The following COL23A1 variants were observed in gnomAD, a reference collection of about 807,000 sequenced individuals.
COL23A1 encodes the protein collagen type XXIII alpha 1 chain.
A neutral mutation model predicts 99.3 loss-of-function variants in COL23A1; 97 were observed. The ratio of observed to expected loss-of-function variants is 0.98; its 90% CI spans 0.83 to 1.16. The LOEUF is 1.16. Ranked by LOEUF, COL23A1 falls within the 50% of genes most tolerant of loss-of-function variation. COL23A1 has a pLI of 0.00. For missense variants in COL23A1, 762 were observed against 757.4 expected (o/e 1.01, Z -0.07); for synonymous variants, 320 against 308.2 (o/e 1.04, Z -0.40).
intron 2 of COL23A1, among the ~76,000 whole-genome samples, chr5:178,487,004 G>A (rs1757667073): frequency 6.6e-6 from 1 of 152,204 alleles, no homozygotes; most frequent in South Asian, 2.1e-4. Flanking sequence ...TCTATCCACT[G>A]GTAGCTCATG....
intron 2 of COL23A1, among the ~76,000 whole-genome samples, chr5:178,423,884 C>T (rs911955182): frequency 7.2e-5 from 11 of 152,116 alleles, no homozygotes; most frequent in East Asian, 3.9e-4. Flanking sequence ...GAGATGTCTG[C>T]GCGTCTGCAA....
chr5:178,244,481 G>A lies in COL23A1; in HGVS notation c.1440+1461C>T, dbSNP rs144026800. Among the ~76,000 whole-genome samples the A allele has an allele frequency of 3.5e-3, 536 of 152,260 alleles. 4 individuals are homozygous for A. Among genetic ancestry groups the A allele is most frequent in the African/African-American group, 0.012 (501 of 41,544 alleles). On this transcript the variant is annotated intron_variant, in intron 25 of 28. Coordinates refer to ENST00000390654, the MANE Select transcript of COL23A1 (RefSeq NM_173465.4). ...TCCTATGGCTAAGTGACAGTTCAGC[G>A]TTGACCTAACTGGGACCAGGGAGAG...
At chr5:178,246,134 T>G (rs1430446628) in intron 24 of COL23A1, 120 bp downstream of exon 24, 5 of 1,342,280 alleles carry the variant, frequency 3.7e-6, no homozygotes, top group African/African-American at 1.4e-5. Context: ...CCACAGAGCC[T>G]GAACTCTGGC....
intron 2 of COL23A1, among the ~76,000 whole-genome samples, chr5:178,331,568 G>C (rs1323856057): frequency 6.6e-6 from 1 of 152,266 alleles, no homozygotes; most frequent in Non-Finnish European, 1.5e-5. Flanking sequence ...CCTCGGGGCA[G>C]GGTGCGGAGC....
At chr5:178,376,579 T>G (rs564077798) in intron 2 of COL23A1, among the ~76,000 whole-genome samples, 2 of 152,364 alleles carry the variant, frequency 1.3e-5, no homozygotes, top group Admixed American at 1.3e-4. Context: ...GTGCTTTAGA[T>G]ACACCACCTG....
At position 178,358,757 on chromosome 5, in the gene COL23A1, GTGTGTGTATGTGTGTGTA is replaced by G. The variant is rs577658152; in HGVS notation, c.362-51856_362-51839del. On this transcript the variant is annotated intron_variant, in intron 2 of 28. Coordinates refer to ENST00000390654, the MANE Select transcript of COL23A1 (RefSeq NM_173465.4). ...TATGTGTATCTGTGTGTGTATCTGT[GTGTGTGTATGTGTGTGTA>G]TGTGTATGTGTGTAAACATGATATA... Among the ~76,000 whole-genome samples, 1,082 of 139,406 alleles carry G rather than the reference GTGTGTGTATGTGTGTGTA, an allele frequency of 7.8e-3. 17 individuals carry two copies. Among genetic ancestry groups the G allele is most frequent in the African/African-American group, 0.025 (982 of 39,262 alleles). 91.5% of individuals were successfully genotyped at this position (139,406 alleles called of 152,430 possible).
intron 2 of COL23A1, among the ~76,000 whole-genome samples, chr5:178,465,316 C>T (rs1180128223): frequency 6.6e-6 from 1 of 152,156 alleles, no homozygotes; most frequent in Non-Finnish European, 1.5e-5. Context: ...GTCGTTAACC[C>T]CTAGGGTGCA....
rs1349170752 is a variant in COL23A1 at position 178,387,629 on chromosome 5, C to T, written c.362-80710G>A. On this transcript the variant is annotated intron_variant, in intron 2 of 28. Transcript: ENST00000390654. This position sits in a 1 kb window ranked among gnomAD's most constrained non-coding sequence, Gnocchi z 4.7. ...CTCCTGGACCAATAACTTCTAGAGG[C>T]TCATGACCATTTACCTTTTATCCCC... 1.3e-5 allele frequency among the ~76,000 whole-genome samples: 2 copies of T among 152,174 alleles called. No homozygotes were observed. Among genetic ancestry groups the T allele is most frequent in the Non-Finnish European group, 2.9e-5 (2 of 68,040 alleles).
At chr5:178,450,336 G>T (rs554845904) in intron 2 of COL23A1, among the ~76,000 whole-genome samples, 1 of 152,168 alleles carries the variant, frequency 6.6e-6, no homozygotes, top group African/African-American at 2.4e-5. Flanking sequence ...TGCAGTTGGC[G>T]GAACAGATGG....
chr5:178,583,702 G>A (rs1374601535), intron 1 of COL23A1, among the ~76,000 whole-genome samples: 1 of 152,208 alleles, frequency 6.6e-6, no homozygotes, highest in African/African-American at 2.4e-5. Context: ...ATCTGGAGTT[G>A]CTGGAAGCTT....
intron 2 of COL23A1, among the ~76,000 whole-genome samples, chr5:178,500,570 A>G (rs188003643): frequency 1.3e-3 from 203 of 151,452 alleles, no homozygotes; most frequent in African/African-American, 4.6e-3. Context: ...GCACCACTGT[A>G]CTCTAGGCTG....
At chr5:178,511,897 A>T (rs565731576) in intron 2 of COL23A1, among the ~76,000 whole-genome samples, 1 of 152,318 alleles carries the variant, frequency 6.6e-6, no homozygotes, top group East Asian at 1.9e-4. Flanking sequence ...GCAAAAAAAA[A>T]ATTTTAATTG....
chr5:178,264,909 G>A (rs1233337940), intron 8 of COL23A1, among the ~76,000 whole-genome samples: 1 of 152,196 alleles, frequency 6.6e-6, no homozygotes, highest in African/African-American at 2.4e-5. Flanking sequence ...GCCTCCCAAA[G>A]TGCTGGGATT....
rs73804470 is a variant in COL23A1, at chr5:178,366,191, C to T, written c.362-59272G>A. 4.5e-3 allele frequency among the ~76,000 whole-genome samples: 678 copies of T among 152,310 alleles called. 3 individuals are homozygous for T. Among genetic ancestry groups the T allele is most frequent in the African/African-American group, 0.016 (650 of 41,566 alleles). Reference sequence around the variant, plus strand: ...TGGGTCTGATTCACCTCTTCCTCCCCGGAGCCCAGGGTTCACTCTGCAACT... The same window carrying T: ...TGGGTCTGATTCACCTCTTCCTCCCTGGAGCCCAGGGTTCACTCTGCAACT... On this transcript the variant is annotated intron_variant, in intron 2 of 28. Transcript: ENST00000390654. The surrounding 1 kb of genome is among the most constrained non-coding windows in gnomAD (Gnocchi z 4.4).
intron 2 of COL23A1, among the ~76,000 whole-genome samples, chr5:178,412,066 G>A (rs184282567): frequency 6.6e-6 from 1 of 152,186 alleles, no homozygotes; most frequent in Non-Finnish European, 1.5e-5. Context: ...ATGAATGTAC[G>A]TGTAACTGTA....
At chr5:178,412,144 A>G (rs1765088167) in intron 2 of COL23A1, among the ~76,000 whole-genome samples, 1 of 152,240 alleles carries the variant, frequency 6.6e-6, no homozygotes, top group Non-Finnish European at 1.5e-5. Flanking sequence ...GTTGAAATAA[A>G]TCATGGTACA....
intron 3 of COL23A1, among the ~76,000 whole-genome samples, chr5:178,305,168 C>T (rs936067225): frequency 1.2e-4 from 19 of 152,102 alleles, no homozygotes; most frequent in African/African-American, 4.1e-4. Context: ...ACACAGAAGC[C>T]AGGCTAAAGG....
chr5:178,353,450 C>T (rs1161251566), intron 2 of COL23A1, among the ~76,000 whole-genome samples: 4 of 152,098 alleles, frequency 2.6e-5, no homozygotes, highest in East Asian at 3.9e-4. Context: ...CACATGAAAA[C>T]TTCCTTAAAA....
At chr5:178,489,378 T>TC (rs1054085099) in intron 2 of COL23A1, among the ~76,000 whole-genome samples, 8 of 152,188 alleles carry the variant, frequency 5.3e-5, no homozygotes, top group Non-Finnish European at 1.0e-4. Context: ...CACTGTCGGC[T>TC]CCCCTGGTTC....
Sources: gnomAD v4.1 joint callset for allele counts (sites outside exome capture counted in the v4.1 genomes callset) on GRCh38, gnomAD v4.1.1 for gene constraint, Gnocchi (gnomAD v3.1) non-coding constraint, MANE v1.5 for transcripts, NCBI Gene and HGNC (gene_info 2026-07-23, HGNC 2026-07-21) for gene names.